Variants in AGAP1 observed in about 807,000 individuals in gnomAD.
AGAP1 encodes the protein arf-GAP with GTPase, ANK repeat and PH domain-containing protein 1.
Under a neutral mutation model 105.3 loss-of-function variants are expected in AGAP1, and 29 were observed. That is an observed-to-expected ratio of 0.28 (90% CI 0.21 to 0.38). AGAP1 has a LOEUF of 0.38. AGAP1 is among the 10% of genes least tolerant of loss of function. The pLI is 1.00. For missense variants in AGAP1, 998 were observed against 1,165.1 expected (o/e 0.86, Z 2.09); for synonymous variants, 509 against 485.9 (o/e 1.05, Z -0.63).
chr2:235,910,272 G>A (rs1311553731), intron 11 of AGAP1, among the ~76,000 whole-genome samples: 1 of 152,306 alleles, frequency 6.6e-6, no homozygotes, highest in Non-Finnish European at 1.5e-5. Flanking sequence ...GCTCTTGCCT[G>A]GCCTGCCTGT....
At chr2:236,102,998 GT>G (rs1559278382) in intron 16 of AGAP1, among the ~76,000 whole-genome samples, 1 of 149,630 alleles carries the variant, frequency 6.7e-6, no homozygotes, top group African/African-American at 2.5e-5. Context: ...CCCCTCCGGG[GT>G]TTCTGCCCAC....
chr2:235,686,211 G>A (rs1949372145), intron 1 of AGAP1, among the ~76,000 whole-genome samples: 2 of 152,234 alleles, frequency 1.3e-5, no homozygotes, highest in Admixed American at 1.3e-4. Context: ...GCTGACCATA[G>A]ACTAAGCCTC....
intron 1 of AGAP1, among the ~76,000 whole-genome samples, chr2:235,651,032 T>C (rs1489531051): frequency 1.3e-5 from 2 of 151,424 alleles, no homozygotes; most frequent in South Asian, 4.2e-4. Context: ...ATATAAAAAA[T>C]TAGCCAGGCA....
chr2:235,761,488 C>T (rs1954433930), intron 6 of AGAP1, among the ~76,000 whole-genome samples: 1 of 152,202 alleles, frequency 6.6e-6, no homozygotes, highest in Non-Finnish European at 1.5e-5. Flanking sequence ...CTTCTCTGCA[C>T]TGCGGTATCA....
chr2:235,563,110 G>A (rs1307261291), intron 1 of AGAP1, among the ~76,000 whole-genome samples: 2 of 152,144 alleles, frequency 1.3e-5, no homozygotes, highest in Non-Finnish European at 2.9e-5. Context: ...CTGCTGTGGG[G>A]AGTCTGCAAA....
intron 16 of AGAP1, among the ~76,000 whole-genome samples, chr2:236,071,609 C>T (rs1482371487): frequency 1.3e-5 from 2 of 152,228 alleles, no homozygotes; most frequent in Admixed American, 6.5e-5. Flanking sequence ...ATCTGCAGTG[C>T]GATGCAGGAA....
At chr2:235,950,197 G>A (rs1575860070) in intron 12 of AGAP1, among the ~76,000 whole-genome samples, 1 of 152,132 alleles carries the variant, frequency 6.6e-6, no homozygotes, top group East Asian at 1.9e-4. Flanking sequence ...CAAATTTGGA[G>A]TAAGAAACTC....
intron 13 of AGAP1, among the ~76,000 whole-genome samples, chr2:235,985,780 A>G (rs955913686): frequency 1.3e-5 from 2 of 152,106 alleles, no homozygotes; most frequent in South Asian, 2.1e-4. Flanking sequence ...AGTTGGTTAT[A>G]TATGTGTGGT....
chr2:235,889,777 G>C lies in AGAP1; in HGVS notation c.1155+6328G>C, dbSNP rs181794056. 1.3e-5 allele frequency among the ~76,000 whole-genome samples: 2 copies of C among 152,038 alleles called. No individual in the cohort carries two copies. Among genetic ancestry groups the C allele is most frequent in the South Asian group, 2.1e-4 (1 of 4,818 alleles). On this transcript the variant is annotated intron_variant, in intron 10 of 17. Transcript: ENST00000304032. The surrounding 1 kb of genome is among the most constrained non-coding windows in gnomAD (Gnocchi z 4.6). ...TGAAAACCTCAAACCTTTTTCTTAG[G>C]AGAGAACCTCTGTTTCTAAGCAGTG...
chr2:235,962,179 T>A lies in AGAP1; in HGVS notation c.1484-6283T>A, dbSNP rs1181280882. Reference sequence around the variant, plus strand: ...AGCTTTGAAATAGCCCCTTGGAGAGTGGGAAGTGGGTTACTACAGAAGTGA... The same window carrying A: ...AGCTTTGAAATAGCCCCTTGGAGAGAGGGAAGTGGGTTACTACAGAAGTGA... On this transcript the variant is annotated intron_variant, in intron 12 of 17. Coordinates refer to ENST00000304032, the MANE Select transcript of AGAP1 (RefSeq NM_001037131.3). The surrounding 1 kb of genome is among the most constrained non-coding windows in gnomAD (Gnocchi z 5.3). Among the ~76,000 whole-genome samples the A allele has an allele frequency of 6.7e-6, 1 of 149,590 alleles. No homozygotes were observed. Among genetic ancestry groups the A allele is most frequent in the Non-Finnish European group, 1.5e-5 (1 of 67,468 alleles).
intron 12 of AGAP1, among the ~76,000 whole-genome samples, chr2:235,944,746 C>T (rs572978942): frequency 5.9e-5 from 9 of 152,268 alleles, no homozygotes; most frequent in African/African-American, 1.4e-4. Context: ...TCTGGGGGCA[C>T]GTCAGGCCTT....
In AGAP1 at chr2:235,550,394, C is replaced by T. The variant is rs149489888; in HGVS notation, c.163+55545C>T. 8.5e-5 allele frequency among the ~76,000 whole-genome samples: 13 copies of T among 152,188 alleles called. No individual in the cohort carries two copies. Among genetic ancestry groups the T allele is most frequent in the South Asian group, 2.1e-4 (1 of 4,834 alleles). On this transcript the variant is annotated intron_variant, in intron 1 of 17. Coordinates refer to ENST00000304032, the MANE Select transcript of AGAP1 (RefSeq NM_001037131.3). The surrounding 1 kb of genome is among the most constrained non-coding windows in gnomAD (Gnocchi z 4.6). ...CTGCCAGTGACTTCTCATAGCTGTT[C>T]GTCATTGGGAGTCACTGAGCATGCA... is the stretch of plus-strand genomic sequence containing the variant.
intron 13 of AGAP1, among the ~76,000 whole-genome samples, chr2:235,996,643 C>G (rs1368634319): frequency 6.6e-6 from 1 of 152,186 alleles, no homozygotes; most frequent in Non-Finnish European, 1.5e-5. Context: ...AGCGGCAGTT[C>G]ATCTGGAGTA....
chr2:235,987,621 A>G (rs1472308132), intron 13 of AGAP1, among the ~76,000 whole-genome samples: 1 of 148,948 alleles, frequency 6.7e-6, no homozygotes, highest in Admixed American at 6.9e-5. Flanking sequence ...TTGCCTCTCT[A>G]GCTCTTTCCA....
chr2:235,923,057 C>T (rs888893267), intron 11 of AGAP1, among the ~76,000 whole-genome samples: 3 of 152,168 alleles, frequency 2.0e-5, no homozygotes, highest in Non-Finnish European at 4.4e-5. Context: ...GCAGTCACCC[C>T]CTGCTAATCG....
intron 1 of AGAP1, among the ~76,000 whole-genome samples, chr2:235,702,030 G>C (rs1195662845): frequency 1.3e-5 from 2 of 152,090 alleles, no homozygotes; most frequent in Admixed American, 6.6e-5. Context: ...GAGATAATAT[G>C]TTGTTTTTAA....
In AGAP1 at chr2:236,042,272, C is replaced by A. The variant is rs980338723; in HGVS notation, c.1891+1431C>A. Among the ~76,000 whole-genome samples, 1 of 152,062 alleles carries A rather than the reference C, an allele frequency of 6.6e-6. No individual in the cohort carries two copies. The highest frequency in any genetic ancestry group is 6.5e-5 in the Admixed American group (1 of 15,272). ...TCCAGACAAAAGGGAAAGGAAGCGC[C>A]CCCTCCAAGAGTCCACTCAGCAGCA... is the stretch of plus-strand genomic sequence containing the variant. On this transcript the variant is annotated intron_variant, in intron 15 of 17. Coordinates refer to ENST00000304032, the MANE Select transcript of AGAP1 (RefSeq NM_001037131.3). The surrounding 1 kb of genome is among the most constrained non-coding windows in gnomAD (Gnocchi z 5.6).
chr2:235,747,263 C>T lies in AGAP1; in HGVS notation c.538+2424C>T, dbSNP rs72975251. ...CTGCCAGGGTGGCTGCTTAGATTCTCGAGAAACCCTGATGAAGTTGAAGTC... is the reference window on the plus strand; with the variant it reads ...CTGCCAGGGTGGCTGCTTAGATTCTTGAGAAACCCTGATGAAGTTGAAGTC... On this transcript the variant is annotated intron_variant, in intron 5 of 17. Coordinates refer to ENST00000304032, the MANE Select transcript of AGAP1 (RefSeq NM_001037131.3). The surrounding 1 kb of genome is among the most constrained non-coding windows in gnomAD (Gnocchi z 5.0). Among the ~76,000 whole-genome samples the T allele has an allele frequency of 1.1e-3, 171 of 152,216 alleles. No homozygotes were observed. The highest frequency in any genetic ancestry group is 1.7e-3 in the Non-Finnish European group (113 of 68,028).
chr2:235,776,698 T>C (rs1955891531), intron 6 of AGAP1, among the ~76,000 whole-genome samples: 1 of 152,166 alleles, frequency 6.6e-6, no homozygotes, highest in Non-Finnish European at 1.5e-5. Context: ...GCAGGTGCTA[T>C]GCCCTGCAGG....
Sources: gnomAD v4.1 joint callset for allele counts (sites outside exome capture counted in the v4.1 genomes callset) on GRCh38, gnomAD v4.1.1 for gene constraint, Gnocchi (gnomAD v3.1) non-coding constraint, MANE v1.5 for transcripts, NCBI Gene and HGNC (gene_info 2026-07-23, HGNC 2026-07-21) for gene names.